The following NRXN3 variants were observed in gnomAD, a reference collection of about 807,000 sequenced individuals.
NRXN3 encodes the protein neurexin 3.
NRXN3 carries 32 observed loss-of-function variants against 137.6 expected under a neutral mutation model. That is an observed-to-expected ratio of 0.23 (90% CI 0.18 to 0.31). The LOEUF is 0.31. Ranked by LOEUF, NRXN3 falls within the 10% of genes least tolerant of loss-of-function variation. NRXN3 has a pLI of 1.00. For missense variants in NRXN3, 1,574 were observed against 2,062.5 expected, an observed-to-expected ratio of 0.76 and a Z score of 4.59; for synonymous variants, 798 against 784.5, an observed-to-expected ratio of 1.02 and a Z score of -0.29.
At chr14:78,617,687 A>G (rs1209763461) in intron 4 of NRXN3, among the ~76,000 whole-genome samples, 7 of 151,980 alleles carry the variant, frequency 4.6e-5, no homozygotes, top group Non-Finnish European at 8.8e-5. Context: ...TCGACCCTTC[A>G]CTTTCCTGGG....
At chr14:78,237,566 G>A (rs1310297295) in intron 1 of NRXN3, among the ~76,000 whole-genome samples, 2 of 152,152 alleles carry the variant, frequency 1.3e-5, no homozygotes, top group African/African-American at 4.8e-5. Flanking sequence ...AGAGAGAGGG[G>A]ATCCTTTTCA....
chr14:79,213,034 G>T (rs1333665015), intron 15 of NRXN3, among the ~76,000 whole-genome samples: 6 of 152,010 alleles, frequency 3.9e-5, no homozygotes, highest in Non-Finnish European at 4.4e-5. Context: ...TTTTTTTCGG[G>T]TTGCAATTGT....
chr14:79,607,614 A>G (rs985614669), intron 16 of NRXN3, among the ~76,000 whole-genome samples: 1 of 151,734 alleles, frequency 6.6e-6, no homozygotes, highest in African/African-American at 2.4e-5. Flanking sequence ...GGGAATAAAC[A>G]TTTTCAGGAC....
At chr14:78,368,147 C>G (rs2086257527) in intron 4 of NRXN3, among the ~76,000 whole-genome samples, 2 of 152,202 alleles carry the variant, frequency 1.3e-5, no homozygotes, top group South Asian at 4.1e-4. Flanking sequence ...CTAAATTAGG[C>G]TGGCCTTCCT....
chr14:78,785,323 A>T (rs1178916654), intron 8 of NRXN3, among the ~76,000 whole-genome samples: 3 of 152,144 alleles, frequency 2.0e-5, no homozygotes, highest in African/African-American at 7.2e-5. Context: ...AGTCATAAAG[A>T]CGGCTCCAAG....
chr14:78,929,927 A>C (rs554224764), intron 10 of NRXN3, among the ~76,000 whole-genome samples: 9 of 152,188 alleles, frequency 5.9e-5, no homozygotes, highest in Non-Finnish European at 1.0e-4. Context: ...TTTTTTGTGA[A>C]GCTTAGCTGA....
intron 8 of NRXN3, among the ~76,000 whole-genome samples, chr14:78,785,786 A>T (rs2098787518): frequency 6.6e-6 from 1 of 152,164 alleles, no homozygotes; most frequent in Non-Finnish European, 1.5e-5. Flanking sequence ...TCCTATTTCA[A>T]TGGTGGCCAT....
chr14:78,864,797 C>T (rs2099082386), intron 10 of NRXN3, among the ~76,000 whole-genome samples: 1 of 152,030 alleles, frequency 6.6e-6, no homozygotes, highest in Non-Finnish European at 1.5e-5. Context: ...GTGGGCATGG[C>T]CTGATGGTAA....
intron 2 of NRXN3, among the ~76,000 whole-genome samples, chr14:78,270,754 T>C (rs2072589254): frequency 6.6e-6 from 1 of 152,226 alleles, no homozygotes; most frequent in Non-Finnish European, 1.5e-5. Flanking sequence ...ATCCTCACAA[T>C]AGTCATATAA....
chr14:79,019,319 A>C (rs1306993824), intron 15 of NRXN3, among the ~76,000 whole-genome samples: 2 of 152,218 alleles, frequency 1.3e-5, no homozygotes. Flanking sequence ...TATTATTTGC[A>C]TATATCTTAT....
At chr14:78,303,532 T>C (rs896364741) in intron 4 of NRXN3, among the ~76,000 whole-genome samples, 2 of 152,164 alleles carry the variant, frequency 1.3e-5, no homozygotes, top group Non-Finnish European at 2.9e-5. Flanking sequence ...GTAGCTCATC[T>C]GTTCCAAAGT....
At chr14:78,331,861 C>T (rs1234202963) in intron 4 of NRXN3, among the ~76,000 whole-genome samples, 1 of 152,196 alleles carries the variant, frequency 6.6e-6, no homozygotes, top group Non-Finnish European at 1.5e-5. Flanking sequence ...GAATTTCACT[C>T]TGCTGCATCA....
intron 15 of NRXN3, among the ~76,000 whole-genome samples, chr14:79,337,375 T>C (rs996265205): frequency 6.6e-6 from 1 of 152,198 alleles, no homozygotes. Context: ...ACCAATCAGA[T>C]GTTTCAAGTG....
intron 15 of NRXN3, among the ~76,000 whole-genome samples, chr14:79,409,321 A>G (rs2095370757): frequency 6.6e-6 from 1 of 151,594 alleles, no homozygotes; most frequent in Non-Finnish European, 1.5e-5. Flanking sequence ...ACATGTGTGT[A>G]TATGTGTATA....
At chr14:78,575,306 A>T (rs12435491) in intron 4 of NRXN3, among the ~76,000 whole-genome samples, 5,076 of 152,300 alleles carry the variant, frequency 0.033, 104 homozygotes, top group African/African-American at 0.051. Flanking sequence ...TAATATAATA[A>T]ACACATGGAG....
chr14:79,056,925 A>T (rs2099665628), intron 15 of NRXN3, among the ~76,000 whole-genome samples: 1 of 152,218 alleles, frequency 6.6e-6, no homozygotes, highest in Non-Finnish European at 1.5e-5. Context: ...AAAACAAAAC[A>T]TTGGATATTT....
At chr14:79,326,951 T>C (rs1216981741) in intron 15 of NRXN3, among the ~76,000 whole-genome samples, 1 of 152,116 alleles carries the variant, frequency 6.6e-6, no homozygotes, top group Non-Finnish European at 1.5e-5. Flanking sequence ...ATAAAAAATG[T>C]GAAACCTCTT....
intron 4 of NRXN3, among the ~76,000 whole-genome samples, chr14:78,323,322 G>T (rs1179307809): frequency 6.6e-6 from 1 of 151,904 alleles, no homozygotes; most frequent in Non-Finnish European, 1.5e-5. Context: ...AATGAAGAGA[G>T]ACCTAAAATC....
chr14:79,601,512 C>T (rs2097921298), intron 16 of NRXN3, among the ~76,000 whole-genome samples: 1 of 152,158 alleles, frequency 6.6e-6, no homozygotes, highest in African/African-American at 2.4e-5. Context: ...TGAACTTCCT[C>T]CCTCTTTATT....
Sources: allele counts gnomAD v4.1 joint callset (sites outside exome capture counted in the v4.1 genomes callset), GRCh38; gene constraint gnomAD v4.1.1; transcripts MANE v1.5; gene names NCBI Gene and HGNC (gene_info 2026-07-23, HGNC 2026-07-21).